ASXL3: variants seen among roughly 807,000 people sequenced by gnomAD.
The protein encoded by ASXL3 is putative Polycomb group protein ASXL3.
In ASXL3, 34 loss-of-function variants were observed where a neutral mutation model predicts 170.6. That is an observed-to-expected ratio of 0.20 (90% CI 0.15 to 0.27). ASXL3 has a LOEUF of 0.27. ASXL3 is among the 10% of genes least tolerant of loss of function. The pLI is 1.00. For missense variants in ASXL3, 2,592 were observed against 2,695.3 expected, an observed-to-expected ratio of 0.96 and a Z score of 0.85; for synonymous variants, 1,002 against 989.1, an observed-to-expected ratio of 1.01 and a Z score of -0.24.
intron 1 of ASXL3, among the ~76,000 whole-genome samples, chr18:33,594,098 T>C (rs892398902): frequency 1.3e-5 from 2 of 152,288 alleles, no homozygotes; most frequent in African/African-American, 2.4e-5. Context: ...ATAGCTTGCA[T>C]TGAGAAGACG....
At chr18:33,646,795 C>T (rs2065920696) in intron 4 of ASXL3, among the ~76,000 whole-genome samples, 1 of 135,236 alleles carries the variant, frequency 7.4e-6, no homozygotes, top group African/African-American at 2.9e-5. Flanking sequence ...TATCATTCCT[C>T]ACAGTGAAAA....
rs906547453 is a variant in ASXL3, at chr18:33,736,538, G to T, written c.1083-1949G>T. 1.1e-4 allele frequency among the ~76,000 whole-genome samples: 16 copies of T among 151,726 alleles called. 1 individual carries two copies. Among genetic ancestry groups the T allele is most frequent in the Non-Finnish European group, 1.5e-5 (1 of 67,972 alleles). On this transcript the variant is annotated intron_variant, in intron 10 of 11. Coordinates refer to ENST00000269197, the MANE Select transcript of ASXL3 (RefSeq NM_030632.3). The stretch of plus-strand genomic sequence containing the variant: ...CCAGTTTTTAGTTGACTGACACCAC[G>T]TGCCTTTTCATTGCTGTACGCTTTT...
At chr18:33,666,266 G>A (rs1209023931) in intron 5 of ASXL3, among the ~76,000 whole-genome samples, 1 of 152,156 alleles carries the variant, frequency 6.6e-6, no homozygotes. Flanking sequence ...GAGACAGTTG[G>A]AGGTGTCTCA....
At chr18:33,635,859 C>T (rs548623672) in intron 2 of ASXL3, among the ~76,000 whole-genome samples, 3 of 152,112 alleles carry the variant, frequency 2.0e-5, no homozygotes, top group South Asian at 2.1e-4. Flanking sequence ...CATCCATGAT[C>T]GTAACAGCTT....
chr18:33,609,545 A>G (rs2065302596), intron 2 of ASXL3, among the ~76,000 whole-genome samples: 1 of 152,052 alleles, frequency 6.6e-6, no homozygotes, highest in African/African-American at 2.4e-5. Flanking sequence ...AGAATGGTAT[A>G]TAAGAGGGCT....
At chr18:33,628,636 A>T (rs1045899955) in intron 2 of ASXL3, among the ~76,000 whole-genome samples, 6 of 152,200 alleles carry the variant, frequency 3.9e-5, no homozygotes, top group African/African-American at 1.4e-4. Flanking sequence ...CTGTGCATGG[A>T]AGGCAATCAG....
rs1212155745 is a variant in ASXL3, at chr18:33,743,019, C to A, written c.3171C>A (p.Ile1057=). 2.5e-6 allele frequency: 4 copies of A among 1,613,774 alleles called. No homozygotes were observed. Among genetic ancestry groups the A allele is most frequent in the Non-Finnish European group, 3.4e-6 (4 of 1,179,852 alleles). Residue 1057 remains isoleucine (I), a synonymous_variant, in exon 12 of 12, where the codon ATC becomes ATA. Coordinates refer to ENST00000269197, the MANE Select transcript of ASXL3 (RefSeq NM_030632.3). ...CAGGAGCCAGGACCCTCGCAGATAT[C>A]AAGGCCCGGGCCCAACAAGCTCGGG... The part of the protein sequence containing the change: ...RNTGARTLAD[I]KARAQQARAQ...
At chr18:33,619,326 T>C (rs2065474190) in intron 2 of ASXL3, among the ~76,000 whole-genome samples, 1 of 152,152 alleles carries the variant, frequency 6.6e-6, no homozygotes, top group African/African-American at 2.4e-5. Context: ...TTGGCAGTTT[T>C]TCTGCCTGAT....
At chr18:33,737,320 A>G (rs558633207) in intron 10 of ASXL3, among the ~76,000 whole-genome samples, 1 of 152,266 alleles carries the variant, frequency 6.6e-6, no homozygotes, top group South Asian at 2.1e-4. Context: ...TCACTGAGGT[A>G]TTGTTTGCAT....
chr18:33,749,440 T>G lies in ASXL3; in HGVS notation c.*2845T>G, dbSNP rs79048459. 1 of 138,238 alleles carries G rather than the reference T, an allele frequency of 7.2e-6. No individual in the cohort carries two copies. The highest frequency in any genetic ancestry group is 2.8e-5 in the African/African-American group (1 of 35,632). The allele number at this position is 138,238 out of a possible 1,614,324, so 8.6% of individuals were successfully genotyped here. A position where few individuals can be genotyped will look rare whatever the true frequency, so the allele number is the denominator to read the frequency against. Reference sequence around the variant, plus strand: ...TAGAACTTGCACATGTACCATACAATTTTTTTTTTTTTAATCACAAAGGAT... The same window carrying G: ...TAGAACTTGCACATGTACCATACAAGTTTTTTTTTTTTAATCACAAAGGAT... On this transcript the variant is annotated 3_prime_UTR_variant, in exon 12 of 12. Coordinates refer to ENST00000269197, the MANE Select transcript of ASXL3 (RefSeq NM_030632.3).
intron 2 of ASXL3, among the ~76,000 whole-genome samples, chr18:33,625,098 T>C (rs2065580363): frequency 6.6e-6 from 1 of 152,118 alleles, no homozygotes. Flanking sequence ...CTGGGAAACT[T>C]CCCCCAAGAA....
chr18:33,578,455 C>T lies in ASXL3; in HGVS notation c.-177C>T, dbSNP rs2064962306. Reference sequence around the variant, plus strand: ...ACCCCACCCCCTCGCTCCATCCCTCCCACCCGCCGCCGCCGCCGCCGCCGC... The same window carrying T: ...ACCCCACCCCCTCGCTCCATCCCTCTCACCCGCCGCCGCCGCCGCCGCCGC... On this transcript the variant is annotated 5_prime_UTR_variant, in exon 1 of 12. Coordinates refer to ENST00000269197, the MANE Select transcript of ASXL3 (RefSeq NM_030632.3). The T allele has an allele frequency of 4.7e-5, 3 of 64,324 alleles. No homozygotes were observed. The highest frequency in any genetic ancestry group is 2.3e-4 in the Admixed American group (1 of 4,264). The allele number at this position is 64,324 out of a possible 1,614,324, so 4.0% of individuals were successfully genotyped here. A position where few individuals can be genotyped will look rare whatever the true frequency, so the allele number is the denominator to read the frequency against.
chr18:33,648,031 G>A (rs1202486918), intron 4 of ASXL3, among the ~76,000 whole-genome samples: 2 of 152,008 alleles, frequency 1.3e-5, no homozygotes, highest in Admixed American at 1.3e-4. Context: ...TGGCTGTGAG[G>A]CCAAAGTGAA....
At chr18:33,625,490 T>A (rs1301409790) in intron 2 of ASXL3, among the ~76,000 whole-genome samples, 2 of 152,156 alleles carry the variant, frequency 1.3e-5, no homozygotes, top group African/African-American at 4.8e-5. Context: ...TTCAAAATAA[T>A]GTTTTCTGAG....
intron 2 of ASXL3, among the ~76,000 whole-genome samples, chr18:33,611,223 T>C (rs2065332365): frequency 6.6e-6 from 1 of 152,000 alleles, no homozygotes; most frequent in Non-Finnish European, 1.5e-5. Context: ...TTGAATTCTA[T>C]TTGGAAAAGC....
rs375681396 is a variant in ASXL3 at position 33,588,359 on chromosome 18, GT to G, written c.54+9688del. On this transcript the variant is annotated intron_variant, in intron 1 of 11. Transcript: ENST00000269197. ...CCTAATTTAAGTAGAAAAGGAGCAG[GT>G]TTTTTTTTTTTTTGGAGGTCATAAA... 1.6e-3 allele frequency among the ~76,000 whole-genome samples: 233 copies of G among 142,254 alleles called. 2 individuals carry two copies. The highest frequency in any genetic ancestry group is 3.7e-3 in the Middle Eastern group (1 of 270). 93.3% of individuals were successfully genotyped at this position (142,254 alleles called of 152,430 possible).
In ASXL3 at chr18:33,590,111, G is replaced by GTTTTTTTTTTT. The variant is rs567969303; in HGVS notation, c.54+11435_54+11445dup. ...TGTCGTCAAGGTATTTGCTTTCTAT[G>GTTTTTTTTTTT]TTTTTTTTTTTTTTTTTTTGCTTTG... is the stretch of plus-strand genomic sequence containing the variant. On this transcript the variant is annotated intron_variant, in intron 1 of 11. Transcript: ENST00000269197. 6.3e-4 allele frequency among the ~76,000 whole-genome samples: 52 copies of GTTTTTTTTTTT among 83,166 alleles called. 3 individuals are homozygous for GTTTTTTTTTTT. The highest frequency in any genetic ancestry group is 3.2e-3 in the African/African-American group (46 of 14,530). The allele number at this position is 83,166 out of a possible 152,430, so 54.6% of individuals were successfully genotyped here.
intron 4 of ASXL3, among the ~76,000 whole-genome samples, chr18:33,656,562 A>T (rs1427807690): frequency 2.0e-5 from 3 of 152,102 alleles, no homozygotes; most frequent in Admixed American, 6.6e-5. Context: ...CATTTTATGT[A>T]AGCATTGTGA....
At chr18:33,636,665 A>T (rs1264936567) in intron 2 of ASXL3, among the ~76,000 whole-genome samples, 1 of 152,128 alleles carries the variant, frequency 6.6e-6, no homozygotes, top group Non-Finnish European at 1.5e-5. Flanking sequence ...GAGTGAGGCT[A>T]GTGGGGATCA....
Sources: gnomAD v4.1 joint callset for allele counts (sites outside exome capture counted in the v4.1 genomes callset) on GRCh38, gnomAD v4.1.1 for gene constraint, MANE v1.5 for transcripts, NCBI Gene and HGNC (gene_info 2026-07-23, HGNC 2026-07-21) for gene names.